Variants in CPA6 observed in about 807,000 individuals in gnomAD.
CPA6 encodes carboxypeptidase A6.
Under a neutral mutation model 63.3 loss-of-function variants are expected in CPA6, and 58 were observed. The ratio of observed to expected loss-of-function variants is 0.92; its 90% confidence interval spans 0.74 to 1.14. CPA6 has a LOEUF of 1.14. Among genes scored for constraint, CPA6 ranks in the 50% most tolerant of loss-of-function variants. The probability of loss-of-function intolerance (pLI) is 0.00; values close to 1 mark genes in which losing one functional copy is unlikely to be tolerated. For missense variants in CPA6, 565 were observed against 526.6 expected (o/e 1.07, Z -0.71); for synonymous variants, 185 against 179.0 (o/e 1.03, Z -0.27).
chr8:67,723,639 C>T (rs1444672860), intron 1 of CPA6, among the ~76,000 whole-genome samples: 1 of 152,100 alleles, frequency 6.6e-6, no homozygotes, highest in Non-Finnish European at 1.5e-5. Flanking sequence ...TTTGCATTTC[C>T]TTGTGAGTGA....
At chr8:67,552,224 G>T (rs1812954280) in intron 2 of CPA6, among the ~76,000 whole-genome samples, 1 of 152,196 alleles carries the variant, frequency 6.6e-6, no homozygotes, top group Non-Finnish European at 1.5e-5. Flanking sequence ...ACACATCTAA[G>T]TAGATTGAAA....
At chr8:67,681,969 G>A (rs1816608517) in intron 1 of CPA6, among the ~76,000 whole-genome samples, 1 of 151,660 alleles carries the variant, frequency 6.6e-6, no homozygotes, top group South Asian at 2.1e-4. Flanking sequence ...AACTGGAATT[G>A]CACTGAATCT....
intron 2 of CPA6, among the ~76,000 whole-genome samples, chr8:67,576,911 G>C (rs1421151423): frequency 6.7e-6 from 1 of 150,186 alleles, no homozygotes; most frequent in East Asian, 2.0e-4. Context: ...TACCCAGGCT[G>C]GAATGCGGTG....
chr8:67,643,043 A>T (rs189769298), intron 1 of CPA6, among the ~76,000 whole-genome samples: 13 of 152,364 alleles, frequency 8.5e-5, no homozygotes, highest in Admixed American at 3.3e-4. Flanking sequence ...TATTTAAAAC[A>T]TATAAGCAGA....
intron 2 of CPA6, among the ~76,000 whole-genome samples, 156 bp downstream of exon 2, chr8:67,624,005 TAAAATAAAATAAAAC>T (rs1433096147): frequency 6.6e-6 from 1 of 151,842 alleles, no homozygotes; most frequent in Admixed American, 6.6e-5. Context: ...TCAAATAAAA[TAAAATAAAATAAAAC>T]AAAATAAAAT....
rs1564021239 is a variant in CPA6 at position 67,607,177 on chromosome 8, CTT to C, written c.192+16997_192+16998del. ...TCCTCTTCTTCTTCTTCCTCTTCTTCTTCTTCTTCTTCTTCTTCTTCTTCTTC... is the reference window on the plus strand; with the variant it reads ...TCCTCTTCTTCTTCTTCCTCTTCTTCCTTCTTCTTCTTCTTCTTCTTCTTC... On this transcript the variant is annotated intron_variant, in intron 2 of 10. Transcript: ENST00000297770. Among the ~76,000 whole-genome samples, 142 of 12,798 alleles carry C rather than the reference CTT, an allele frequency of 0.011. 16 individuals are homozygous for C. The East Asian group carries it at 0.18, about 16-fold the overall frequency. 8.4% of individuals were successfully genotyped at this position (12,798 alleles called of 152,430 possible).
At chr8:67,476,452 AG>A (rs1449506931) in intron 8 of CPA6, among the ~76,000 whole-genome samples, 2 of 152,088 alleles carry the variant, frequency 1.3e-5, no homozygotes, top group African/African-American at 4.8e-5. Context: ...TCAAACTATT[AG>A]CATGGTATGT....
intron 2 of CPA6, among the ~76,000 whole-genome samples, chr8:67,577,151 A>G (rs1813648582): frequency 6.6e-6 from 1 of 152,174 alleles, no homozygotes; most frequent in Admixed American, 6.5e-5. Context: ...CACCTAGCCC[A>G]GCCTGAGTCA....
chr8:67,692,379 T>C (rs1018928601), intron 1 of CPA6, among the ~76,000 whole-genome samples: 1 of 149,970 alleles, frequency 6.7e-6, no homozygotes, highest in Non-Finnish European at 1.5e-5. Context: ...AACTTGAGTA[T>C]GAGGAAGGCA....
intron 6 of CPA6, among the ~76,000 whole-genome samples, chr8:67,496,782 A>C (rs1351207113): frequency 6.6e-6 from 1 of 151,544 alleles, no homozygotes; most frequent in Admixed American, 6.6e-5. Flanking sequence ...GTTGGTCTTG[A>C]ACTCCTGACC....
chr8:67,723,820 C>G (rs1012934945), intron 1 of CPA6, among the ~76,000 whole-genome samples: 7 of 152,002 alleles, frequency 4.6e-5, no homozygotes, highest in African/African-American at 1.7e-4. Context: ...GGAAAACAAT[C>G]CTAGAATATT....
At chr8:67,689,116 A>G (rs915169373) in intron 1 of CPA6, among the ~76,000 whole-genome samples, 1 of 152,080 alleles carries the variant, frequency 6.6e-6, no homozygotes, top group Non-Finnish European at 1.5e-5. Context: ...TCCTCTGTGT[A>G]GCATTTCGTA....
chr8:67,565,439 T>C (rs1813314202), intron 2 of CPA6, among the ~76,000 whole-genome samples: 1 of 152,210 alleles, frequency 6.6e-6, no homozygotes, highest in African/African-American at 2.4e-5. Flanking sequence ...GCTGTTCTTT[T>C]AGTCAGACCT....
chr8:67,629,786 C>T (rs1815280165), intron 1 of CPA6, among the ~76,000 whole-genome samples: 1 of 152,066 alleles, frequency 6.6e-6, no homozygotes, highest in South Asian at 2.1e-4. Flanking sequence ...ATGATTTTGC[C>T]TATGAGTTTT....
chr8:67,660,802 G>A (rs1816092322), intron 1 of CPA6, among the ~76,000 whole-genome samples: 2 of 152,028 alleles, frequency 1.3e-5, no homozygotes, highest in African/African-American at 4.8e-5. Context: ...TGAATTTTCT[G>A]GAAAGGACAG....
At chr8:67,535,586 T>C (rs1812567818) in intron 2 of CPA6, among the ~76,000 whole-genome samples, 1 of 152,190 alleles carries the variant, frequency 6.6e-6, no homozygotes, top group Non-Finnish European at 1.5e-5. Context: ...TTTAAGTTCT[T>C]TGTAGATTCT....
intron 1 of CPA6, among the ~76,000 whole-genome samples, chr8:67,729,822 A>C (rs1327340257): frequency 6.6e-6 from 1 of 152,268 alleles, no homozygotes; most frequent in Non-Finnish European, 1.5e-5. Flanking sequence ...TGAACTGCCC[A>C]AGCAAAACAG....
At chr8:67,529,173 G>A (rs1005383388) in intron 2 of CPA6, among the ~76,000 whole-genome samples, 3 of 151,970 alleles carry the variant, frequency 2.0e-5, no homozygotes. Context: ...AAAAAAAAAT[G>A]TTGGAATAAG....
intron 8 of CPA6, among the ~76,000 whole-genome samples, chr8:67,461,680 C>A (rs28469485): frequency 1.3e-5 from 2 of 150,762 alleles, no homozygotes; most frequent in East Asian, 2.0e-4. Flanking sequence ...GGCGGCTGGC[C>A]GGGCAGGGGG....
Sources: gnomAD v4.1 joint callset for allele counts (sites outside exome capture counted in the v4.1 genomes callset) on GRCh38, gnomAD v4.1.1 for gene constraint, MANE v1.5 for transcripts, NCBI Gene and HGNC (gene_info 2026-07-23, HGNC 2026-07-21) for gene names.